GRHL1: variants seen among roughly 807,000 people sequenced by gnomAD.
GRHL1 encodes grainyhead-like protein 1 homolog.
In GRHL1, 38 loss-of-function variants were observed where a neutral mutation model predicts 75.7. The ratio of observed to expected loss-of-function variants is 0.50; its 90% CI spans 0.39 to 0.66. The LOEUF is 0.66. GRHL1 is among the 30% of genes least tolerant of loss of function. The pLI is 0.00. For missense variants in GRHL1, 589 were observed against 767.5 expected (o/e 0.77, Z 2.75); for synonymous variants, 266 against 279.4 (o/e 0.95, Z 0.48).
In GRHL1 at chr2:9,992,046, G is replaced by A. The variant is rs1249475955; in HGVS notation, c.1361G>A (p.Arg454Gln). The A allele has an allele frequency of 4.3e-6, 7 of 1,610,220 alleles. No individual in the cohort carries two copies. The highest frequency in any genetic ancestry group is 2.2e-5 in the East Asian group (1 of 44,858). The change falls in exon 11 of 16, where the codon CGA (arginine) becomes CAA (glutamine). Residue 454 changes from arginine to glutamine, a missense_variant. Around this residue, in one of 5 missense-constraint regions of GRHL1, gnomAD observed 192 missense variants for 226.6 expected, o/e 0.85. Coordinates refer to ENST00000324907, the MANE Select transcript of GRHL1 (RefSeq NM_198182.3). The surrounding 1 kb of genome is among the most constrained non-coding windows in gnomAD (Gnocchi z 4.6). ...VKVPLLPSHK[R>Q]MDITVFKPFI... Reference sequence around the variant, plus strand: ...GTGCCACTGCTTCCCTCTCACAAGCGAATGGATATCACAGTTTTCAAACCC... The same window carrying A: ...GTGCCACTGCTTCCCTCTCACAAGCAAATGGATATCACAGTTTTCAAACCC...
intron 15 of GRHL1, among the ~76,000 whole-genome samples, chr2:9,999,664 G>T (rs760347427): frequency 1.3e-5 from 2 of 152,186 alleles, no homozygotes; most frequent in African/African-American, 4.8e-5. Flanking sequence ...GTTATGTCAC[G>T]TTGCTGCTTT....
intron 2 of GRHL1, among the ~76,000 whole-genome samples, chr2:9,957,180 G>A (rs1667064879): frequency 6.6e-6 from 1 of 151,608 alleles, no homozygotes; most frequent in Non-Finnish European, 1.5e-5. Context: ...TTTGTAGAGA[G>A]GAGTCTCACT....
In GRHL1 at chr2:9,964,221, A is replaced by C. The variant is rs772659262; in HGVS notation, c.904-14A>C. 3 of 1,515,518 alleles carry C rather than the reference A, an allele frequency of 2.0e-6. No individual in the cohort carries two copies. The highest frequency in any genetic ancestry group is 3.5e-5 in the Admixed American group (2 of 57,678). 93.9% of individuals were successfully genotyped at this position (1,515,518 alleles called of 1,614,324 possible). A position where few individuals can be genotyped will look rare whatever the true frequency, so the allele number is the denominator to read the frequency against. On this transcript the variant is annotated splice_polypyrimidine_tract_variant and intron_variant, in intron 6 of 15. Transcript: ENST00000324907. ...CTTTAGTGTCTTTATGTTGTAATGC[A>C]TTCTCTTTCACAGAGTGTGATCATG...
chr2:9,987,228 T>C lies in GRHL1; in HGVS notation c.1269+946T>C, dbSNP rs906230017. Among the ~76,000 whole-genome samples the C allele has an allele frequency of 4.6e-5, 7 of 151,782 alleles. No individual in the cohort carries two copies. Among genetic ancestry groups the C allele is most frequent in the Non-Finnish European group, 1.0e-4 (7 of 67,894 alleles). On this transcript the variant is annotated intron_variant, in intron 9 of 15. Coordinates refer to ENST00000324907, the MANE Select transcript of GRHL1 (RefSeq NM_198182.3). This position sits in a 1 kb window ranked among gnomAD's most constrained non-coding sequence, Gnocchi z 4.2. ...CCTCATGTGATGCGCCCACTTTGGC[T>C]TCCCAAAGTGCTGGGATTACAGGTG...
chr2:9,997,489 T>G (rs1485018774), intron 14 of GRHL1, among the ~76,000 whole-genome samples: 1 of 152,130 alleles, frequency 6.6e-6, no homozygotes, highest in African/African-American at 2.4e-5. Context: ...TGGGTTTCTC[T>G]TTTCTTGCCT....
At chr2:9,974,036 A>C (rs1443408001) in intron 8 of GRHL1, among the ~76,000 whole-genome samples, 1 of 152,162 alleles carries the variant, frequency 6.6e-6, no homozygotes, top group Non-Finnish European at 1.5e-5. Context: ...CCTTTTCTCT[A>C]AGTTCATCTA....
chr2:9,982,053 G>A (rs1668218723), intron 8 of GRHL1, among the ~76,000 whole-genome samples: 1 of 152,218 alleles, frequency 6.6e-6, no homozygotes, highest in East Asian at 1.9e-4. Flanking sequence ...GAGTATTTGA[G>A]GATTTGCATG....
intron 8 of GRHL1, among the ~76,000 whole-genome samples, chr2:9,974,800 C>T (rs149332361): frequency 1.3e-5 from 2 of 152,266 alleles, no homozygotes; most frequent in Non-Finnish European, 2.9e-5. Flanking sequence ...GCGAATTGTT[C>T]GTTGCACTTC....
At chr2:9,993,300 G>C (rs922492250) in intron 12 of GRHL1, 56 bp downstream of exon 12, 24 of 1,418,008 alleles carry the variant, frequency 1.7e-5, no homozygotes, top group Non-Finnish European at 2.2e-5. Context: ...TTTCAAACTT[G>C]TAGAAAAACT....
chr2:9,961,811 A>G (rs1255255377), intron 4 of GRHL1, among the ~76,000 whole-genome samples: 4 of 152,120 alleles, frequency 2.6e-5, no homozygotes, highest in African/African-American at 2.4e-5. Context: ...AAAATGAGTT[A>G]TTATATCTTT....
At chr2:9,981,222 G>A (rs1485277515) in intron 8 of GRHL1, among the ~76,000 whole-genome samples, 1 of 152,232 alleles carries the variant, frequency 6.6e-6, no homozygotes. Context: ...CTCCCCGGAA[G>A]CTGCACTTCT....
Position 9,961,402 on chromosome 2 carries a change from C to G in GRHL1, c.635C>G (p.Thr212Ser). 1 of 1,613,556 alleles carries G rather than the reference C, an allele frequency of 6.2e-7. No individual in the cohort carries two copies. The highest frequency in any genetic ancestry group is 8.5e-7 in the Non-Finnish European group (1 of 1,179,500). Reference protein sequence around the residue: ...PNAQRRTPDSTFSETFKEGVQ... With the variant: ...PNAQRRTPDSSFSETFKEGVQ... ...GCTCAAAGGCGAACTCCAGACTCGA[C>G]CTTCTCAGAGACCTTCAAGGAAGGC... Residue 212 changes from threonine to serine, a missense_variant, in exon 4 of 16, where the codon ACC becomes AGC. By Grantham distance (58) the Thr-to-Ser change is moderately conservative (BLOSUM62 1). This residue lies in a region of GRHL1 where 362 missense variants were observed against 461.8 expected (regional missense o/e 0.78). Transcript: ENST00000324907.
chr2:9,989,583 C>T (rs1668556826), intron 9 of GRHL1, among the ~76,000 whole-genome samples: 1 of 152,136 alleles, frequency 6.6e-6, no homozygotes, highest in African/African-American at 2.4e-5. Flanking sequence ...GAGTCTCACT[C>T]TGTCACCCAG....
chr2:9,967,727 C>A (rs1667549375), intron 8 of GRHL1, among the ~76,000 whole-genome samples: 1 of 151,710 alleles, frequency 6.6e-6, no homozygotes, highest in African/African-American at 2.4e-5. Flanking sequence ...TGTTTTTATT[C>A]TTAAAGTAAT....
At chr2:9,953,457 A>G (rs1666885605) in intron 1 of GRHL1, among the ~76,000 whole-genome samples, 1 of 152,230 alleles carries the variant, frequency 6.6e-6, no homozygotes, top group African/African-American at 2.4e-5. Flanking sequence ...TTGTGTAAGC[A>G]ATCTTCTCCA....
At chr2:9,998,422 GCA>G (rs1558319345) in intron 14 of GRHL1, among the ~76,000 whole-genome samples, 2 of 54,308 alleles carry the variant, frequency 3.7e-5, no homozygotes, top group Non-Finnish European at 6.6e-5. Flanking sequence ...GAGTGACTAT[GCA>G]TGTGTGTGTG....
chr2:10,002,125 A>G lies in GRHL1; in HGVS notation c.*1418A>G, dbSNP rs1371263943. On this transcript the variant is annotated 3_prime_UTR_variant, in exon 16 of 16. Transcript: ENST00000324907. The stretch of plus-strand genomic sequence containing the variant: ...TATTCTAATGAAGTATGGGAACTAA[A>G]TTGCTGGTTTTCTAAGATAAGATAT... The G allele has an allele frequency of 2.6e-5, 4 of 152,638 alleles. No individual in the cohort carries two copies. The highest frequency in any genetic ancestry group is 5.9e-5 in the Non-Finnish European group (4 of 68,028). The allele number at this position is 152,638 out of a possible 1,614,324, so 9.5% of individuals were successfully genotyped here.
At chr2:9,970,152 AC>A (rs1214296107) in intron 8 of GRHL1, among the ~76,000 whole-genome samples, 6 of 152,316 alleles carry the variant, frequency 3.9e-5, no homozygotes, top group African/African-American at 1.4e-4. Context: ...CAGTAAGCAC[AC>A]TTTTAAAGGA....
Position 9,995,885 on chromosome 2 carries a change from C to A in GRHL1, c.1506C>A (p.Val502=), listed in dbSNP as rs754771595. ...ATATTTTGGATCACTGCAGCTCTGT[C>A]TTGAAAAGGGGGCCGTACGGCACAG... ...ASEELEGEGS[V]LKRGPYGTED... Residue 502 remains valine (V), a synonymous_variant, in exon 13 of 16, where the codon GTC becomes GTA. Transcript: ENST00000324907. The A allele has an allele frequency of 1.9e-6, 3 of 1,606,666 alleles. No homozygotes were observed. Among genetic ancestry groups the A allele is most frequent in the South Asian group, 1.1e-5 (1 of 90,926 alleles).
Sources: gnomAD v4.1 joint callset for allele counts (sites outside exome capture counted in the v4.1 genomes callset) on GRCh38, gnomAD v4.1.1 for gene constraint, gnomAD v4.1.1 regional missense constraint, Gnocchi (gnomAD v3.1) non-coding constraint, MANE v1.5 for transcripts, NCBI Gene and HGNC (gene_info 2026-07-23, HGNC 2026-07-21) for gene names.